The following BAMBI variants were observed in gnomAD, a reference collection of about 807,000 sequenced individuals.
BAMBI encodes the protein BMP and activin membrane-bound inhibitor homolog.
Under a neutral mutation model 24.1 loss-of-function variants are expected in BAMBI, and 21 were observed. The ratio of observed to expected loss-of-function variants is 0.87; its 90% CI spans 0.62 to 1.26. BAMBI has a LOEUF of 1.26. BAMBI is among the 50% of genes most tolerant of loss of function. BAMBI has a pLI of 0.00. For missense variants in BAMBI, 388 were observed against 329.1 expected (o/e 1.18, Z -1.38); for synonymous variants, 156 against 123.1 (o/e 1.27, Z -1.77).
chr10:28,680,502 A>G (rs2132945839), intron 1 of BAMBI, among the ~76,000 whole-genome samples: 1 of 146,984 alleles, frequency 6.8e-6, no homozygotes, highest in Admixed American at 7.2e-5. Flanking sequence ...TACATGTAAA[A>G]CTTGTGAGGA....
At position 28,682,205 on chromosome 10, in the gene BAMBI, A is replaced by G. The variant is rs1029297308; in HGVS notation, c.587A>G (p.Tyr196Cys). ...CAACAGATGCTCTCCCGTTTGCACT[A>G]CAGCTTTCACGGACACCATTCCAAA... Reference protein sequence around the residue: ...QRQQMLSRLHYSFHGHHSKKG... With the variant: ...QRQQMLSRLHCSFHGHHSKKG... The change falls in exon 3 of 3, where the codon TAC (tyrosine) becomes TGC (cysteine). Residue 196 changes from tyrosine (Y) to cysteine (C), a missense_variant. By Grantham distance (194) the Tyr-to-Cys change is radical. Transcript: ENST00000375533. 3.1e-6 allele frequency: 5 copies of G among 1,614,092 alleles called. No individual in the cohort carries two copies. In the African/African-American group the frequency reaches 5.3e-5, roughly 17 times the overall value.
intron 1 of BAMBI, among the ~76,000 whole-genome samples, chr10:28,679,938 G>C (rs1834480303): frequency 6.6e-6 from 1 of 152,172 alleles, no homozygotes; most frequent in Admixed American, 6.5e-5. Flanking sequence ...ACTGTTAAGG[G>C]TTGCCAAAGA....
rs1834497718 is a variant in BAMBI at position 28,681,543 on chromosome 10, CAGGT to C, written c.364+3_364+6del. On this transcript the variant is annotated splice_donor_variant and coding_sequence_variant, in exon 2 of 3. Coordinates refer to ENST00000375533, the MANE Select transcript of BAMBI (RefSeq NM_012342.3). LOFTEE classifies it high-confidence loss of function. ...CTCTCTCCTCCCAGGGGTGAGGCCT[CAGGT>C]AGGTGGAAGCCGTTTCTAACCAGAA... is the stretch of plus-strand genomic sequence containing the variant. 6.2e-7 allele frequency: 1 copy of C among 1,612,822 alleles called. No individual in the cohort carries two copies. The highest frequency in any genetic ancestry group is 1.1e-5 in the South Asian group (1 of 91,078).
intron 1 of BAMBI, 123 bp from the exon 2 acceptor site, chr10:28,681,135 G>C: frequency 1.0e-6 from 1 of 982,416 alleles, no homozygotes; most frequent in East Asian, 2.4e-5. Context: ...TCTGTAGACT[G>C]GAGCCCTCAG....
chr10:28,677,776 G>A lies in BAMBI; in HGVS notation c.-122G>A. ...CGGCAGCGGCCCGAAACCCAGCCCCGCCGCTGACGGCGCCCGCCGCTCCGG... is the reference window on the plus strand; with the variant it reads ...CGGCAGCGGCCCGAAACCCAGCCCCACCGCTGACGGCGCCCGCCGCTCCGG... On this transcript the variant is annotated 5_prime_UTR_variant, in exon 1 of 3. Coordinates refer to ENST00000375533, the MANE Select transcript of BAMBI (RefSeq NM_012342.3). 2 of 577,520 alleles carry A rather than the reference G, an allele frequency of 3.5e-6. No individual in the cohort carries two copies. Among genetic ancestry groups the A allele is most frequent in the Non-Finnish European group, 2.4e-6 (1 of 410,946 alleles). 35.8% of individuals were successfully genotyped at this position (577,520 alleles called of 1,614,324 possible). A position where few individuals can be genotyped will look rare whatever the true frequency, so the allele number is the denominator to read the frequency against.
rs1834452666 is a variant in BAMBI, at chr10:28,677,843, C to G, written c.-55C>G. ...GCGCGCTCCGGGGGTCGTAGGCTGC[C>G]GCCGAGCCGGGGCTCCGGAAGCCGG... On this transcript the variant is annotated 5_prime_UTR_variant, in exon 1 of 3. Coordinates refer to ENST00000375533, the MANE Select transcript of BAMBI (RefSeq NM_012342.3). 9.1e-6 allele frequency: 13 copies of G among 1,429,896 alleles called. No individual in the cohort carries two copies. The highest frequency in any genetic ancestry group is 1.2e-5 in the Non-Finnish European group (13 of 1,082,498). 88.6% of individuals were successfully genotyped at this position (1,429,896 alleles called of 1,614,324 possible).
At chr10:28,679,665 C>G (rs1834477478) in intron 1 of BAMBI, among the ~76,000 whole-genome samples, 1 of 152,132 alleles carries the variant, frequency 6.6e-6, no homozygotes, top group Non-Finnish European at 1.5e-5. Context: ...CTTTTCTGTA[C>G]AAGGTCTGAA....
chr10:28,680,954 A>G (rs1388245626), intron 1 of BAMBI, among the ~76,000 whole-genome samples: 2 of 152,242 alleles, frequency 1.3e-5, no homozygotes, highest in African/African-American at 4.8e-5. Flanking sequence ...AATGTGTTAT[A>G]CCTTATGGTA....
rs763237953 is a variant in BAMBI at position 28,682,091 on chromosome 10, C to G, written c.473C>G (p.Pro158Arg). Reference protein sequence around the residue: ...LWFRAAVIAVPIAGGLILVLL... With the variant: ...LWFRAAVIAVRIAGGLILVLL... ...TTCCGGGCAGCGGTCATTGCCGTGC[C>G]CATTGCTGGAGGGCTGATTTTAGTG... The change falls in exon 3 of 3, where the codon CCC (proline) becomes CGC (arginine). Residue 158 changes from proline (P) to arginine (R), a missense_variant. Physicochemically the swap from Pro to Arg is moderately radical, Grantham distance 103. Transcript: ENST00000375533. 2.5e-6 allele frequency: 4 copies of G among 1,613,990 alleles called. No individual in the cohort carries two copies. In the African/African-American group the frequency reaches 4.0e-5, roughly 16 times the overall value.
chr10:28,677,606 G>T lies in BAMBI; in HGVS notation c.-292G>T, dbSNP rs893167221. 4.6e-6 allele frequency: 1 copy of T among 216,928 alleles called. No homozygotes were observed. The highest frequency in any genetic ancestry group is 9.0e-6 in the Non-Finnish European group (1 of 111,130). The allele number at this position is 216,928 out of a possible 1,614,324, so 13.4% of individuals were successfully genotyped here. A position where few individuals can be genotyped will look rare whatever the true frequency, so the allele number is the denominator to read the frequency against. The stretch of plus-strand genomic sequence containing the variant: ...TTCGCTGAGAACGGCCGCTAGCGGG[G>T]ACTGAAGGCCGGGAGCCCACTCCCG... On this transcript the variant is annotated 5_prime_UTR_variant, in exon 1 of 3. Transcript: ENST00000375533.
chr10:28,681,090 C>T lies in BAMBI; in HGVS notation c.77-168C>T, dbSNP rs185366084. Among the ~76,000 whole-genome samples the T allele has an allele frequency of 2.4e-3, 362 of 152,272 alleles. 1 individual carries two copies. Among genetic ancestry groups the T allele is most frequent in the South Asian group, 0.019 (92 of 4,826 alleles). ...AAAATGACGTTTAACTGGATTGAAA[C>T]TTACGCACTGGCTGCAGGAAGGGCT... is the stretch of plus-strand genomic sequence containing the variant. On this transcript the variant is annotated intron_variant, in intron 1 of 2. Coordinates refer to ENST00000375533, the MANE Select transcript of BAMBI (RefSeq NM_012342.3).
At position 28,677,839 on chromosome 10, in the gene BAMBI, C is replaced by T; in HGVS notation, c.-59C>T. The T allele has an allele frequency of 3.5e-6, 5 of 1,413,096 alleles. No homozygotes were observed. In the South Asian group the frequency reaches 4.1e-5, roughly 12 times the overall value. The allele number at this position is 1,413,096 out of a possible 1,614,324, so 87.5% of individuals were successfully genotyped here. ...CCCTGCGCGCTCCGGGGGTCGTAGG[C>T]TGCCGCCGAGCCGGGGCTCCGGAAG... On this transcript the variant is annotated 5_prime_UTR_variant, in exon 1 of 3. Coordinates refer to ENST00000375533, the MANE Select transcript of BAMBI (RefSeq NM_012342.3).
chr10:28,681,913 A>T, intron 2 of BAMBI, 70 bp from the exon 3 acceptor site: 1 of 1,376,796 alleles, frequency 7.3e-7, no homozygotes, highest in Non-Finnish European at 9.9e-7. Context: ...GGTTAAAATG[A>T]ATTGATGATT....
chr10:28,682,443 C>T lies in BAMBI; in HGVS notation c.*42C>T, dbSNP rs767196785. The T allele has an allele frequency of 1.7e-5, 27 of 1,551,950 alleles. 1 individual carries two copies. The South Asian group carries it at 3.2e-4, about 18-fold the overall frequency. On this transcript the variant is annotated 3_prime_UTR_variant, in exon 3 of 3. Transcript: ENST00000375533. ...CTACACTTACTGAACAGCTTGAAGG[C>T]CTTTTGAGTTCTGCTGGACAGGAGC...
intron 1 of BAMBI, among the ~76,000 whole-genome samples, 156 bp downstream of exon 1, chr10:28,678,129 G>C (rs1035293883): frequency 6.6e-6 from 1 of 152,252 alleles, no homozygotes; most frequent in African/African-American, 2.4e-5. Flanking sequence ...CGCGGCGGTG[G>C]CCTGGCGCGT....
intron 1 of BAMBI, among the ~76,000 whole-genome samples, chr10:28,678,842 G>A (rs1834466947): frequency 6.6e-6 from 1 of 151,014 alleles, no homozygotes; most frequent in Admixed American, 6.6e-5. Flanking sequence ...AAAGGCAGCG[G>A]GTCAGTTTCT....
At chr10:28,681,226 C>G in intron 1 of BAMBI, 32 bp from the exon 2 acceptor site, 1 of 1,595,722 alleles carries the variant, frequency 6.3e-7, no homozygotes, top group Non-Finnish European at 8.5e-7. Context: ...GTCTCTGGAG[C>G]AGAGTTTGAG....
At chr10:28,678,473 C>T (rs185706663) in intron 1 of BAMBI, among the ~76,000 whole-genome samples, 18 of 152,310 alleles carry the variant, frequency 1.2e-4, no homozygotes, top group Non-Finnish European at 2.4e-4. Flanking sequence ...CTCAGCGTAT[C>T]TCTGTGTCTC....
Position 28,682,082 on chromosome 10 carries a change from T to C in BAMBI, c.464T>C (p.Ile155Thr). The change falls in exon 3 of 3, where the codon ATT becomes ACT. Residue 155 changes from isoleucine (I) to threonine (T), a missense_variant. Coordinates refer to ENST00000375533, the MANE Select transcript of BAMBI (RefSeq NM_012342.3). ...SKELWFRAAV[I>T]AVPIAGGLIL... ...GAGTTGTGGTTCCGGGCAGCGGTCATTGCCGTGCCCATTGCTGGAGGGCTG... is the reference window on the plus strand; with the variant it reads ...GAGTTGTGGTTCCGGGCAGCGGTCACTGCCGTGCCCATTGCTGGAGGGCTG... 2 of 1,614,144 alleles carry C rather than the reference T, an allele frequency of 1.2e-6. No individual in the cohort carries two copies. The highest frequency in any genetic ancestry group is 1.7e-6 in the Non-Finnish European group (2 of 1,180,006).
Sources: allele counts gnomAD v4.1 joint callset (sites outside exome capture counted in the v4.1 genomes callset), GRCh38; gene constraint gnomAD v4.1.1; transcripts MANE v1.5; gene names NCBI Gene and HGNC (gene_info 2026-07-23, HGNC 2026-07-21).